KIF2A: variants seen among roughly 807,000 people sequenced by gnomAD.
KIF2A encodes the protein kinesin-like protein KIF2A.
KIF2A carries 22 observed loss-of-function variants against 100.2 expected under a neutral mutation model. That is an observed-to-expected ratio of 0.22 (90% CI 0.16 to 0.31). KIF2A has a LOEUF of 0.31. Ranked by LOEUF, KIF2A falls within the 10% of genes least tolerant of loss-of-function variation. KIF2A has a pLI of 1.00. For missense variants in KIF2A, 495 were observed against 898.7 expected (o/e 0.55, Z 5.74); for synonymous variants, 268 against 285.9 (o/e 0.94, Z 0.63).
intron 12 of KIF2A, among the ~76,000 whole-genome samples, chr5:62,362,877 A>C (rs940795734): frequency 7.9e-5 from 12 of 152,304 alleles, no homozygotes; most frequent in African/African-American, 2.9e-4. Context: ...CCCATGCTGG[A>C]GTGCAGTGGC....
At chr5:62,378,225 ATATCACCAC>A (rs1741626702) in intron 19 of KIF2A, among the ~76,000 whole-genome samples, 1 of 152,204 alleles carries the variant, frequency 6.6e-6, no homozygotes, top group African/African-American at 2.4e-5. Context: ...GAAGGGTGTT[ATATCACCAC>A]CTGTAGCAGT....
chr5:62,360,870 G>A (rs1456882374), intron 9 of KIF2A, among the ~76,000 whole-genome samples: 1 of 152,032 alleles, frequency 6.6e-6, no homozygotes, highest in Non-Finnish European at 1.5e-5. Flanking sequence ...ATGGTCTATA[G>A]ATAATATTTT....
At chr5:62,364,640 G>A (rs868375087) in intron 14 of KIF2A, among the ~76,000 whole-genome samples, 2 of 152,240 alleles carry the variant, frequency 1.3e-5, no homozygotes, top group Admixed American at 6.5e-5. Context: ...CTTTTGGAGT[G>A]CCATGTTAAG....
intron 4 of KIF2A, among the ~76,000 whole-genome samples, chr5:62,351,204 C>G (rs1747839323): frequency 6.6e-6 from 1 of 151,950 alleles, no homozygotes; most frequent in East Asian, 1.9e-4. Flanking sequence ...GCATTCCAGC[C>G]TGGGCAATAG....
intron 1 of KIF2A, among the ~76,000 whole-genome samples, chr5:62,317,964 C>G (rs1009380938): frequency 5.9e-5 from 9 of 152,168 alleles, no homozygotes; most frequent in African/African-American, 2.2e-4. Context: ...GGAACAAATG[C>G]TATCGTAAGG....
intron 1 of KIF2A, chr5:62,306,789 G>A: frequency 2.1e-6 from 1 of 474,748 alleles, no homozygotes; most frequent in South Asian, 2.9e-5. Context: ...GGGTGTCGAG[G>A]GTCGCGTCTC....
intron 1 of KIF2A, among the ~76,000 whole-genome samples, chr5:62,341,309 T>A (rs1747278376): frequency 6.6e-6 from 1 of 151,760 alleles, no homozygotes; most frequent in Non-Finnish European, 1.5e-5. Flanking sequence ...CTCCTTGATT[T>A]TTTTTTTTTT....
chr5:62,380,899 A>G (rs907565698), intron 19 of KIF2A, among the ~76,000 whole-genome samples: 3 of 152,156 alleles, frequency 2.0e-5, no homozygotes, highest in Non-Finnish European at 4.4e-5. Context: ...ACTTACATTG[A>G]AAAAAATCCA....
In KIF2A at chr5:62,389,174, C is replaced by T. The variant is rs1742175717; in HGVS notation, c.*3605C>T. On this transcript the variant is annotated 3_prime_UTR_variant, in exon 21 of 21. Coordinates refer to ENST00000407818, the MANE Select transcript of KIF2A (RefSeq NM_001098511.3). ...AGCATGCTTACAGAGCCCACCCACT[C>T]CTAATACTAGTTATTAAAGAAACGT... 5 of 782,926 alleles carry T rather than the reference C, an allele frequency of 6.4e-6. No homozygotes were observed. Among genetic ancestry groups the T allele is most frequent in the Admixed American group, 3.1e-5 (1 of 31,838 alleles). 48.5% of individuals were successfully genotyped at this position (782,926 alleles called of 1,614,324 possible). A position where few individuals can be genotyped will look rare whatever the true frequency, so the allele number is the denominator to read the frequency against.
In KIF2A at chr5:62,361,958, G is replaced by C. The variant is rs1748435502; in HGVS notation, c.1027+429G>C. ...AGAATTGTTTGATCATTTGAACCCAGGAAGCAGAGGTTGCAGTGAGCCAAG... is the reference window on the plus strand; with the variant it reads ...AGAATTGTTTGATCATTTGAACCCACGAAGCAGAGGTTGCAGTGAGCCAAG... On this transcript the variant is annotated intron_variant, in intron 11 of 20. Coordinates refer to ENST00000407818, the MANE Select transcript of KIF2A (RefSeq NM_001098511.3). Among the ~76,000 whole-genome samples, 11 of 151,526 alleles carry C rather than the reference G, an allele frequency of 7.3e-5. No individual in the cohort carries two copies. In the South Asian group the frequency reaches 2.3e-3, roughly 32 times the overall value.
In KIF2A at chr5:62,381,165, TGAA is replaced by T; in HGVS notation, c.2066_2068del (p.Glu689del). ...ATGAAAAGGCCCTCTTAGAGATGAC[TGAA>T]GAAGTAGATTATGATGTCGATTCAT... is the stretch of plus-strand genomic sequence containing the variant. On this transcript the variant is annotated inframe_deletion, in exon 20 of 21. Transcript: ENST00000407818. The T allele has an allele frequency of 6.2e-7, 1 of 1,609,236 alleles. No individual in the cohort carries two copies. Among genetic ancestry groups the T allele is most frequent in the East Asian group, 2.2e-5 (1 of 44,800 alleles).
At chr5:62,371,760 G>C (rs1006619314) in intron 16 of KIF2A, among the ~76,000 whole-genome samples, 3 of 152,102 alleles carry the variant, frequency 2.0e-5, no homozygotes, top group Non-Finnish European at 4.4e-5. Context: ...GCCCAAAAGA[G>C]ACATAAGGAA....
rs184990762 is a variant in KIF2A at position 62,389,773 on chromosome 5, A to G, written c.*4204A>G. On this transcript the variant is annotated 3_prime_UTR_variant, in exon 21 of 21. Transcript: ENST00000407818. ...TTGTTTATATTCAAATTAAATACACATTGTTTCTCTCTGTAGATACCTATG... is the reference window on the plus strand; with the variant it reads ...TTGTTTATATTCAAATTAAATACACGTTGTTTCTCTCTGTAGATACCTATG... 6.5e-4 allele frequency among the ~76,000 whole-genome samples: 99 copies of G among 152,280 alleles called. 1 individual carries two copies. In the East Asian group the frequency reaches 0.015, roughly 23 times the overall value.
intron 1 of KIF2A, among the ~76,000 whole-genome samples, chr5:62,315,249 C>CAAAAA (rs765995590): frequency 1.2e-4 from 8 of 66,498 alleles, no homozygotes; most frequent in Non-Finnish European, 2.3e-4. Context: ...AAAAACAGAC[C>CAAAAA]AAAAAAAAAA....
chr5:62,349,956 T>A (rs893120727), intron 3 of KIF2A, 110 bp from the exon 4 acceptor site: 3 of 656,472 alleles, frequency 4.6e-6, no homozygotes, highest in African/African-American at 1.9e-5. Context: ...TCATTTTGTT[T>A]TATATTCTTA....
At chr5:62,379,298 T>G (rs748571465) in intron 19 of KIF2A, among the ~76,000 whole-genome samples, 1 of 152,174 alleles carries the variant, frequency 6.6e-6, no homozygotes, top group Admixed American at 6.5e-5. Context: ...TGTATTATGA[T>G]CTGCCATTTC....
At chr5:62,359,041 G>A (rs1231390556) in intron 9 of KIF2A, among the ~76,000 whole-genome samples, 2 of 152,096 alleles carry the variant, frequency 1.3e-5, no homozygotes, top group African/African-American at 4.8e-5. Flanking sequence ...GTCACTTAAG[G>A]CGAAAAAGTT....
intron 1 of KIF2A, among the ~76,000 whole-genome samples, chr5:62,332,784 A>G (rs555357396): frequency 7.3e-4 from 111 of 152,336 alleles, no homozygotes; most frequent in Admixed American, 3.9e-3. Context: ...ATCATGTGTG[A>G]TCAATACAAT....
intron 7 of KIF2A, among the ~76,000 whole-genome samples, chr5:62,356,690 A>G (rs907219630): frequency 1.3e-5 from 2 of 152,090 alleles, no homozygotes; most frequent in African/African-American, 4.8e-5. Context: ...TTTGCTAGCA[A>G]CTTTCCCTAT....
Sources: allele counts gnomAD v4.1 joint callset (sites outside exome capture counted in the v4.1 genomes callset), GRCh38; gene constraint gnomAD v4.1.1; transcripts MANE v1.5; gene names NCBI Gene and HGNC (gene_info 2026-07-23, HGNC 2026-07-21).